Variants in BCAP29 observed in about 807,000 individuals in gnomAD.
BCAP29 encodes the protein B-cell receptor-associated protein 29.
A neutral mutation model predicts 31.8 loss-of-function variants in BCAP29; 34 were observed. The ratio of observed to expected loss-of-function variants is 1.07; its 90% CI spans 0.81 to 1.42. The LOEUF (loss-of-function observed/expected upper bound fraction) is 1.42. BCAP29 is among the 40% of genes most tolerant of loss of function. The probability of loss-of-function intolerance (pLI) is 0.00; values close to 1 mark genes in which losing one functional copy is unlikely to be tolerated. For synonymous variants in BCAP29, 104 were observed against 91.3 expected (o/e 1.14, Z -0.79); for missense variants, 314 against 269.2 (o/e 1.17, Z -1.16).
At chr7:107,594,345 G>T (rs1809417851) in intron 4 of BCAP29, 1 of 467,748 alleles carries the variant, frequency 2.1e-6, no homozygotes, top group Non-Finnish European at 3.8e-6. Flanking sequence ...ACACCACCAT[G>T]TAGGGCTAAT....
At chr7:107,585,965 T>C (rs1585048020) in intron 3 of BCAP29, among the ~76,000 whole-genome samples, 1 of 151,948 alleles carries the variant, frequency 6.6e-6, no homozygotes, top group African/African-American at 2.4e-5. Context: ...CACTGCAGCC[T>C]GGGTGACAAG....
chr7:107,601,944 C>G (rs1811254092), intron 6 of BCAP29, among the ~76,000 whole-genome samples: 1 of 152,134 alleles, frequency 6.6e-6, no homozygotes, highest in Non-Finnish European at 1.5e-5. Context: ...CTCCTTTCAC[C>G]TTTCAAAAAT....
intron 6 of BCAP29, among the ~76,000 whole-genome samples, chr7:107,608,316 G>A (rs1250626943): frequency 3.9e-5 from 6 of 152,100 alleles, no homozygotes; most frequent in African/African-American, 1.4e-4. Flanking sequence ...TTGTTTGTCA[G>A]TATGGACTCA....
intron 3 of BCAP29, among the ~76,000 whole-genome samples, chr7:107,590,848 A>C (rs1471592312): frequency 6.6e-6 from 1 of 151,894 alleles, no homozygotes; most frequent in African/African-American, 2.4e-5. Flanking sequence ...AAAGAAAGAA[A>C]GAAAGAAATA....
At chr7:107,606,735 A>G (rs1812171095) in intron 6 of BCAP29, among the ~76,000 whole-genome samples, 1 of 152,236 alleles carries the variant, frequency 6.6e-6, no homozygotes, top group Admixed American at 6.5e-5. Flanking sequence ...ATATGGAATA[A>G]TAAAACTTTG....
At chr7:107,580,698 G>T (rs1806463022) in intron 1 of BCAP29, 61 bp from the exon 2 acceptor site, 8 of 1,177,520 alleles carry the variant, frequency 6.8e-6, no homozygotes, top group Non-Finnish European at 8.6e-6. Flanking sequence ...CTGCGCCTCG[G>T]GGCCTTGAAC....
rs1255996195 is a variant in BCAP29, at chr7:107,619,487, G to T, written c.*1124G>T. The T allele has an allele frequency of 6.6e-6, 1 of 151,932 alleles. No homozygotes were observed. Among genetic ancestry groups the T allele is most frequent in the Non-Finnish European group, 1.5e-5 (1 of 67,924 alleles). 9.4% of individuals were successfully genotyped at this position (151,932 alleles called of 1,614,324 possible). A position where few individuals can be genotyped will look rare whatever the true frequency, so the allele number is the denominator to read the frequency against. On this transcript the variant is annotated 3_prime_UTR_variant, in exon 8 of 8. Transcript: ENST00000005259. ...TTCTCTTGTCTTTGTTACATCCTCTGTTTATTATAATTTTAGCACCAACTT... is the reference window on the plus strand; with the variant it reads ...TTCTCTTGTCTTTGTTACATCCTCTTTTTATTATAATTTTAGCACCAACTT...
intron 7 of BCAP29, chr7:107,615,319 C>T (rs1562800092): frequency 2.2e-6 from 1 of 456,702 alleles, no homozygotes; most frequent in Non-Finnish European, 4.4e-6. Flanking sequence ...TGATTCCTGG[C>T]TGAGCGTGGT....
intron 6 of BCAP29, among the ~76,000 whole-genome samples, chr7:107,602,434 A>G (rs556438824): frequency 6.6e-6 from 1 of 152,292 alleles, no homozygotes; most frequent in Non-Finnish European, 1.5e-5. Context: ...TCAGTGGTAC[A>G]ATGCTTTGTG....
chr7:107,585,389 A>G (rs1305597141), intron 3 of BCAP29, among the ~76,000 whole-genome samples: 2 of 152,210 alleles, frequency 1.3e-5, no homozygotes, highest in South Asian at 4.1e-4. Flanking sequence ...TATTTGTCTC[A>G]TGGTACATTA....
chr7:107,602,128 T>A (rs1304445475), intron 6 of BCAP29, among the ~76,000 whole-genome samples: 1 of 152,236 alleles, frequency 6.6e-6, no homozygotes, highest in African/African-American at 2.4e-5. Context: ...CTTCTGTGTT[T>A]GAAGTATAGA....
chr7:107,617,657 C>A (rs561100802), intron 7 of BCAP29, among the ~76,000 whole-genome samples: 51 of 152,210 alleles, frequency 3.4e-4, no homozygotes, highest in Admixed American at 2.0e-3. Context: ...AAGTAATTTA[C>A]CTCCTCTACT....
chr7:107,617,311 A>G (rs1814361746), intron 7 of BCAP29, among the ~76,000 whole-genome samples: 1 of 152,218 alleles, frequency 6.6e-6, no homozygotes, highest in South Asian at 2.1e-4. Flanking sequence ...TAAAGAGGGA[A>G]ACGCTGATTT....
chr7:107,616,587 A>G (rs1003505428), intron 7 of BCAP29, among the ~76,000 whole-genome samples: 6 of 152,212 alleles, frequency 3.9e-5, no homozygotes, highest in Non-Finnish European at 1.5e-5. Flanking sequence ...CCTGTATAAG[A>G]AAGCACTTTA....
At chr7:107,593,182 A>G (rs141009658) in intron 3 of BCAP29, among the ~76,000 whole-genome samples, 25 of 152,308 alleles carry the variant, frequency 1.6e-4, no homozygotes, top group African/African-American at 5.8e-4. Flanking sequence ...GTCGCATGAA[A>G]GGGGAGCATT....
intron 6 of BCAP29, 57 bp downstream of exon 6, chr7:107,600,562 C>A: frequency 9.8e-7 from 1 of 1,015,874 alleles, no homozygotes; most frequent in Non-Finnish European, 1.5e-6. Context: ...TTATGCTGTA[C>A]ACTTCACTGT....
At chr7:107,591,800 AGTATTT>A (rs2129228586) in intron 3 of BCAP29, among the ~76,000 whole-genome samples, 1 of 152,216 alleles carries the variant, frequency 6.6e-6, no homozygotes, top group South Asian at 2.1e-4. Flanking sequence ...TATCCAATCA[AGTATTT>A]GTTTTATTTT....
At chr7:107,616,526 A>C (rs753980547) in intron 7 of BCAP29, 1 of 152,204 alleles carries the variant, frequency 6.6e-6, no homozygotes, top group African/African-American at 2.4e-5. Context: ...CTCCTCAGGT[A>C]CTTTACTACT....
chr7:107,583,533 T>G (rs1281578994), intron 2 of BCAP29, among the ~76,000 whole-genome samples: 1 of 152,148 alleles, frequency 6.6e-6, no homozygotes, highest in Non-Finnish European at 1.5e-5. Context: ...TATTTCTAAG[T>G]CATTTCTCTG....
Sources: allele counts gnomAD v4.1 joint callset (sites outside exome capture counted in the v4.1 genomes callset), GRCh38; gene constraint gnomAD v4.1.1; transcripts MANE v1.5; gene names NCBI Gene and HGNC (gene_info 2026-07-23, HGNC 2026-07-21).